The following ESR1 variants were observed in gnomAD, a reference collection of about 807,000 sequenced individuals.
ESR1 encodes estrogen receptor.
In ESR1, 12 loss-of-function variants were observed where a neutral mutation model predicts 52.7. That is an observed-to-expected ratio of 0.23 (90% CI 0.15 to 0.37). The LOEUF (loss-of-function observed/expected upper bound fraction) is 0.37, where lower values mean the gene tolerates loss of function less well. Among genes scored for constraint, ESR1 ranks in the 10% least tolerant of loss-of-function variants. The pLI is 1.00. For synonymous variants in ESR1, 305 were observed against 316.8 expected, an observed-to-expected ratio of 0.96 and a Z score of 0.39; for missense variants, 584 against 779.7, an observed-to-expected ratio of 0.75 and a Z score of 2.99.
intron 2 of ESR1, among the ~76,000 whole-genome samples, chr6:151,741,603 T>C (rs1783102271): frequency 1.3e-5 from 2 of 152,218 alleles, no homozygotes; most frequent in South Asian, 4.1e-4. Context: ...AGGTATAACT[T>C]ACAAATAACA....
intron 5 of ESR1, 140 bp from the exon 6 acceptor site, chr6:152,060,851 G>T: frequency 1.5e-6 from 1 of 675,310 alleles, no homozygotes; most frequent in East Asian, 2.8e-5. Context: ...CATATTCCAT[G>T]AAGACAATGG....
At chr6:152,086,871 A>G (rs1221749583) in intron 6 of ESR1, among the ~76,000 whole-genome samples, 1 of 152,132 alleles carries the variant, frequency 6.6e-6, no homozygotes, top group African/African-American at 2.4e-5. Context: ...TTGCTCAAGG[A>G]TTGGGTTACG....
At chr6:151,816,897 A>T (rs1274615359) in intron 1 of ESR1, among the ~76,000 whole-genome samples, 2 of 152,170 alleles carry the variant, frequency 1.3e-5, no homozygotes, top group East Asian at 3.9e-4. Context: ...AAAAACAAAA[A>T]CAAAGGCACT....
At chr6:152,105,829 G>A (rs113129797), downstream of ESR1, among the ~76,000 whole-genome samples, 18,353 of 121,672 alleles carry the variant, frequency 0.15, 1,434 homozygotes, top group Non-Finnish European at 0.19. Context: ...CGCCCAGGCC[G>A]GACTGCGGAC....
chr6:151,668,686 C>T (rs536176331), intron 1 of ESR1, among the ~76,000 whole-genome samples: 36 of 152,272 alleles, frequency 2.4e-4, no homozygotes, highest in African/African-American at 8.2e-4. Context: ...TTAATACTAT[C>T]GCACTGGCAA....
intron 5 of ESR1, among the ~76,000 whole-genome samples, chr6:152,048,509 T>A (rs1239014044): frequency 6.6e-6 from 1 of 152,200 alleles, no homozygotes. Flanking sequence ...AACAGCTTTA[T>A]TTTATTTTAG....
At chr6:151,719,439 C>T (rs745998048) in intron 2 of ESR1, among the ~76,000 whole-genome samples, 1 of 151,974 alleles carries the variant, frequency 6.6e-6, no homozygotes, top group African/African-American at 2.4e-5. Context: ...AGTCGCTATC[C>T]AGGGAAGGAA....
At chr6:151,800,350 C>A (rs1206683787), upstream of ESR1, among the ~76,000 whole-genome samples, 1 of 152,002 alleles carries the variant, frequency 6.6e-6, no homozygotes, top group Non-Finnish European at 1.5e-5. Flanking sequence ...ACACTAAGCC[C>A]CTGAAGTCAG....
At chr6:152,105,773 A>ATTTT (rs2051058192), downstream of ESR1, among the ~76,000 whole-genome samples, 1 of 106,538 alleles carries the variant, frequency 9.4e-6, no homozygotes, top group African/African-American at 3.8e-5. Flanking sequence ...CTCAGTATGC[A>ATTTT]TCTTTTTTTT....
At chr6:151,709,550 A>C (rs1299156507) in intron 2 of ESR1, among the ~76,000 whole-genome samples, 1 of 152,164 alleles carries the variant, frequency 6.6e-6, no homozygotes, top group South Asian at 2.1e-4. Context: ...TGTTTTCCAT[A>C]GTGGCTGTAC....
At chr6:151,681,819 A>C (rs1421686499) in intron 1 of ESR1, among the ~76,000 whole-genome samples, 1 of 151,998 alleles carries the variant, frequency 6.6e-6, no homozygotes, top group African/African-American at 2.4e-5. Context: ...GCTTTCTGCC[A>C]AAATGTCTTT....
At chr6:151,708,472 T>G (rs1307905210) in intron 2 of ESR1, among the ~76,000 whole-genome samples, 2 of 152,122 alleles carry the variant, frequency 1.3e-5, no homozygotes, top group Non-Finnish European at 2.9e-5. Flanking sequence ...GGTATGTGTA[T>G]TTTTACATTT....
chr6:152,053,123 C>T lies in ESR1; in HGVS notation c.1236-7868C>T, dbSNP rs985636549. 3.3e-5 allele frequency among the ~76,000 whole-genome samples: 5 copies of T among 152,156 alleles called. No homozygotes were observed. The highest frequency in any genetic ancestry group is 1.2e-4 in the African/African-American group (5 of 41,432). The stretch of plus-strand genomic sequence containing the variant: ...TCACATTTATTTCTTCTCATATCCT[C>T]GAGTTAGAAAAAGGTATTTCTCTCC... On this transcript the variant is annotated intron_variant, in intron 5 of 7. Transcript: ENST00000206249. The surrounding 1 kb of genome is among the most constrained non-coding windows in gnomAD (Gnocchi z 4.1).
At chr6:152,033,798 A>G (rs2044986813) in intron 5 of ESR1, among the ~76,000 whole-genome samples, 1 of 152,178 alleles carries the variant, frequency 6.6e-6, no homozygotes, top group Non-Finnish European at 1.5e-5. Flanking sequence ...TACTGGGTAT[A>G]TACCCAAAGG....
At chr6:152,015,220 C>T (rs1048462627) in intron 5 of ESR1, among the ~76,000 whole-genome samples, 1 of 152,240 alleles carries the variant, frequency 6.6e-6, no homozygotes, top group Admixed American at 6.5e-5. Context: ...TTCACACATT[C>T]GAATTTCTCT....
chr6:151,684,405 C>A (rs1778576240), intron 1 of ESR1, among the ~76,000 whole-genome samples: 1 of 152,126 alleles, frequency 6.6e-6, no homozygotes, highest in Non-Finnish European at 1.5e-5. Flanking sequence ...CTTGCAGTAA[C>A]ACGGTGAGGA....
intron 2 of ESR1, among the ~76,000 whole-genome samples, chr6:151,735,583 A>G (rs756165240): frequency 2.6e-5 from 4 of 151,868 alleles, no homozygotes; most frequent in African/African-American, 7.3e-5. Context: ...TTTCATTTCA[A>G]TAGCTTTAGG....
intron 5 of ESR1, among the ~76,000 whole-genome samples, chr6:152,033,528 C>A (rs1171509897): frequency 6.6e-6 from 1 of 152,084 alleles, no homozygotes; most frequent in Non-Finnish European, 1.5e-5. Flanking sequence ...ATGCAGCCAA[C>A]AGACACATGA....
chr6:151,837,183 C>T (rs1366792849), intron 1 of ESR1, among the ~76,000 whole-genome samples: 1 of 150,416 alleles, frequency 6.6e-6, no homozygotes, highest in South Asian at 2.1e-4. Context: ...TCACTGCAAC[C>T]TCTGCCTCCT....
Sources: allele counts gnomAD v4.1 joint callset (sites outside exome capture counted in the v4.1 genomes callset), GRCh38; gene constraint gnomAD v4.1.1; non-coding constraint Gnocchi (gnomAD v3.1); transcripts MANE v1.5; gene names NCBI Gene and HGNC (gene_info 2026-07-23, HGNC 2026-07-21).